The following PCDHGC4 variants were observed in gnomAD, a reference collection of about 807,000 sequenced individuals.
The protein encoded by PCDHGC4 is protocadherin gamma subfamily C, 4, also known as protocadherin gamma-C4.
A neutral mutation model predicts 59.7 loss-of-function variants in PCDHGC4; 15 were observed. The observed-to-expected ratio is 0.25, with a 90% CI of 0.17 to 0.39. The LOEUF is 0.39. Ranked by LOEUF, PCDHGC4 falls within the 10% of genes least tolerant of loss-of-function variation. The pLI is 1.00. For missense variants in PCDHGC4, 1,016 were observed against 1,189.5 expected, an observed-to-expected ratio of 0.85 and a Z score of 2.15; for synonymous variants, 434 against 481.4, an observed-to-expected ratio of 0.90 and a Z score of 1.29.
chr5:141,510,209 G>T (rs1294961681), intron 3 of PCDHGC4, among the ~76,000 whole-genome samples: 12 of 151,440 alleles, frequency 7.9e-5, no homozygotes, highest in African/African-American at 2.9e-4. Flanking sequence ...GGAGGCAGAG[G>T]TTGCAGTGAG....
intron 3 of PCDHGC4, among the ~76,000 whole-genome samples, chr5:141,506,138 G>T (rs983643755): frequency 6.6e-6 from 1 of 152,134 alleles, no homozygotes; most frequent in African/African-American, 2.4e-5. Flanking sequence ...AGGAGAAGAA[G>T]AATATCATTT....
intron 1 of PCDHGC4, among the ~76,000 whole-genome samples, chr5:141,488,117 G>A (rs1231303931): frequency 6.6e-6 from 1 of 152,190 alleles, no homozygotes; most frequent in African/African-American, 2.4e-5. Flanking sequence ...GAAACATAGA[G>A]ACAGCAGAAA....
intron 2 of PCDHGC4, among the ~76,000 whole-genome samples, chr5:141,497,501 C>T (rs1268186916): frequency 6.6e-6 from 1 of 151,182 alleles, no homozygotes; most frequent in Non-Finnish European, 1.5e-5. Flanking sequence ...TCTCTCCTCT[C>T]TCTGCTTCCT....
intron 2 of PCDHGC4, among the ~76,000 whole-genome samples, chr5:141,495,720 G>A (rs1048453188): frequency 2.6e-5 from 4 of 152,080 alleles, no homozygotes; most frequent in Non-Finnish European, 5.9e-5. Context: ...GTAACTACAC[G>A]GGACCCTTAG....
chr5:141,502,694 G>A (rs1039264846), intron 2 of PCDHGC4, among the ~76,000 whole-genome samples: 5 of 152,180 alleles, frequency 3.3e-5, no homozygotes, highest in African/African-American at 1.2e-4. Flanking sequence ...ATCCTTGCCT[G>A]TATCTGTTTT....
In PCDHGC4 at chr5:141,491,759, G is replaced by C. The variant is rs746395685; in HGVS notation, c.2443-3048G>C. 3 of 1,575,392 alleles carry C rather than the reference G, an allele frequency of 1.9e-6. No individual in the cohort carries two copies. Among genetic ancestry groups the C allele is most frequent in the Non-Finnish European group, 2.6e-6 (3 of 1,161,808 alleles). ...GGGGGCGGCACTGGAGAAGCCGCCC[G>C]TCCTCATAAGGGATTGAACTTGCAT... On this transcript the variant is annotated intron_variant, in intron 1 of 3. Coordinates refer to ENST00000306593, the MANE Select transcript of PCDHGC4 (RefSeq NM_018928.3). The surrounding 1 kb of genome is among the most constrained non-coding windows in gnomAD (Gnocchi z 6.9).
intron 1 of PCDHGC4, among the ~76,000 whole-genome samples, chr5:141,488,190 G>A (rs1162264945): frequency 1.3e-5 from 2 of 152,164 alleles, no homozygotes; most frequent in African/African-American, 4.8e-5. Flanking sequence ...CTTTTGGTCT[G>A]GGTCTTAGGA....
intron 1 of PCDHGC4, among the ~76,000 whole-genome samples, chr5:141,488,423 T>C (rs1204233986): frequency 2.0e-5 from 3 of 152,354 alleles, no homozygotes; most frequent in Non-Finnish European, 4.4e-5. Context: ...CCATCCATGC[T>C]TGGCCTCTGA....
At chr5:141,494,708 C>T (rs1481947557) in intron 1 of PCDHGC4, 99 bp from the exon 2 acceptor site, 2 of 1,599,566 alleles carry the variant, frequency 1.3e-6, no homozygotes, top group Non-Finnish European at 1.7e-6. Flanking sequence ...CTTCTCTGTG[C>T]CCACTCCCCT....
Position 141,500,858 on chromosome 5 carries a change from A to G in PCDHGC4, c.2502-4535A>G, listed in dbSNP as rs1160743056. Among the ~76,000 whole-genome samples the G allele has an allele frequency of 3.3e-5, 5 of 150,740 alleles. No individual in the cohort carries two copies. The South Asian group carries it at 1.0e-3, about 32-fold the overall frequency. ...TAATGGGCTTTTGCTACATTAGAAA[A>G]CATACACATTCATTTACAATTTTTT... On this transcript the variant is annotated intron_variant, in intron 2 of 3. Coordinates refer to ENST00000306593, the MANE Select transcript of PCDHGC4 (RefSeq NM_018928.3).
rs192747939 is a variant in PCDHGC4 at position 141,487,483 on chromosome 5, T to C, written c.2310T>C (p.His770=). 12 of 1,614,224 alleles carry C rather than the reference T, an allele frequency of 7.4e-6. No individual in the cohort carries two copies. In the Admixed American group the frequency reaches 1.8e-4, roughly 25 times the overall value. The change falls in exon 1 of 4, where the codon CAT becomes CAC. Residue 770 remains histidine (H), a synonymous_variant. Coordinates refer to ENST00000306593, the MANE Select transcript of PCDHGC4 (RefSeq NM_018928.3). This position sits in a 1 kb window ranked among gnomAD's most constrained non-coding sequence, Gnocchi z 5.0. ...IKFVDVGGHS[H]GCTPLASAPT... ...TTGTTGATGTGGGAGGCCACTCTCA[T>C]GGCTGTACACCCTTGGCTTCTGCAC... is the stretch of plus-strand genomic sequence containing the variant.
In PCDHGC4 at chr5:141,493,079, G is replaced by A. The variant is rs1299289839; in HGVS notation, c.2443-1728G>A. 6.6e-6 allele frequency among the ~76,000 whole-genome samples: 1 copy of A among 152,204 alleles called. No homozygotes were observed. Among genetic ancestry groups the A allele is most frequent in the East Asian group, 1.9e-4 (1 of 5,196 alleles). Reference sequence around the variant, plus strand: ...AAAAACACAAGTTTCTCCAACTCCAGGAGCTTTTATTCAAAATATATCAAT... The same window carrying A: ...AAAAACACAAGTTTCTCCAACTCCAAGAGCTTTTATTCAAAATATATCAAT... On this transcript the variant is annotated intron_variant, in intron 1 of 3. Transcript: ENST00000306593. The surrounding 1 kb of genome is among the most constrained non-coding windows in gnomAD (Gnocchi z 4.3).
Position 141,487,820 on chromosome 5 carries a change from G to A in PCDHGC4, c.2442+205G>A, listed in dbSNP as rs1024593393. 8 of 1,293,652 alleles carry A rather than the reference G, an allele frequency of 6.2e-6. No individual in the cohort carries two copies. The highest frequency in any genetic ancestry group is 3.7e-4 in the Middle Eastern group (2 of 5,382). 80.1% of individuals were successfully genotyped at this position (1,293,652 alleles called of 1,614,324 possible). A position where few individuals can be genotyped will look rare whatever the true frequency, so the allele number is the denominator to read the frequency against. On this transcript the variant is annotated intron_variant, in intron 1 of 3. Transcript: ENST00000306593. This position sits in a 1 kb window ranked among gnomAD's most constrained non-coding sequence, Gnocchi z 5.0. ...GTTGTCACAGTTTAGCATTGGGGGC[G>A]GGTCATGCCTATATCTGAGTAAGAA...
rs539620413 is a variant in PCDHGC4, at chr5:141,488,489, G to GT, written c.2442+875dup. Among the ~76,000 whole-genome samples the GT allele has an allele frequency of 1.6e-4, 25 of 152,268 alleles. No homozygotes were observed. In the South Asian group the frequency reaches 4.6e-3, roughly 28 times the overall value. On this transcript the variant is annotated intron_variant, in intron 1 of 3. Transcript: ENST00000306593. ...AGAAATGTTCCCCTACCCAAAAACT[G>GT]TAACACTCATTCCACATTTGGGGTC...
Position 141,485,778 on chromosome 5 carries a change from G to C in PCDHGC4, c.605G>C (p.Arg202Pro). 1 of 1,614,216 alleles carries C rather than the reference G, an allele frequency of 6.2e-7. No homozygotes were observed. Among genetic ancestry groups the C allele is most frequent in the Non-Finnish European group, 8.5e-7 (1 of 1,180,048 alleles). Residue 202 changes from arginine (R) to proline (P), a missense_variant, in exon 1 of 4, where the codon CGA (arginine) becomes CCA (proline). Transcript: ENST00000306593. The surrounding 1 kb of genome is among the most constrained non-coding windows in gnomAD (Gnocchi z 5.7). ...PELLLEKPLD[R>P]EKQSDYRLVL... ...CTGCTCCTGGAGAAGCCTTTGGATCGAGAGAAGCAATCGGACTACCGCCTG... is the reference window on the plus strand; with the variant it reads ...CTGCTCCTGGAGAAGCCTTTGGATCCAGAGAAGCAATCGGACTACCGCCTG...
At chr5:141,496,602 C>T (rs981108050) in intron 2 of PCDHGC4, among the ~76,000 whole-genome samples, 1 of 152,150 alleles carries the variant, frequency 6.6e-6, no homozygotes, top group Non-Finnish European at 1.5e-5. Flanking sequence ...TCTTAGAAGG[C>T]CCCTAAAAAG....
chr5:141,505,270 G>C, intron 2 of PCDHGC4, 123 bp from the exon 3 acceptor site: 1 of 1,520,726 alleles, frequency 6.6e-7, no homozygotes, highest in African/African-American at 1.4e-5. Context: ...CTTGCTGAGA[G>C]AAACAGGTCT....
At position 141,498,660 on chromosome 5, in the gene PCDHGC4, G is replaced by A. The variant is rs969314533; in HGVS notation, c.2501+3795G>A. Among the ~76,000 whole-genome samples, 11 of 152,192 alleles carry A rather than the reference G, an allele frequency of 7.2e-5. No homozygotes were observed. In the East Asian group the frequency reaches 9.6e-4, roughly 13 times the overall value. ...GAAGGAAGAAGACCTGGCCAGGTGT[G>A]GTGGCTCACGCCTGTAATCCCAGCA... is the stretch of plus-strand genomic sequence containing the variant. On this transcript the variant is annotated intron_variant, in intron 2 of 3. Coordinates refer to ENST00000306593, the MANE Select transcript of PCDHGC4 (RefSeq NM_018928.3).
At chr5:141,508,124 G>C (rs1248096612) in intron 3 of PCDHGC4, 1 of 152,640 alleles carries the variant, frequency 6.6e-6, no homozygotes, top group Non-Finnish European at 1.5e-5. Flanking sequence ...AGGACAGAGG[G>C]AGGTCAGGGA....
Sources: gnomAD v4.1 joint callset for allele counts (sites outside exome capture counted in the v4.1 genomes callset) on GRCh38, gnomAD v4.1.1 for gene constraint, Gnocchi (gnomAD v3.1) non-coding constraint, MANE v1.5 for transcripts, NCBI Gene and HGNC (gene_info 2026-07-23, HGNC 2026-07-21) for gene names.